Variants in SFMBT2 observed in about 807,000 individuals in gnomAD.
The protein encoded by SFMBT2 is Scm like with four mbt domains 2, also known as scm-like with four MBT domains protein 2.
A neutral mutation model predicts 110.1 loss-of-function variants in SFMBT2; 38 were observed. The observed-to-expected ratio is 0.35, with a 90% CI of 0.27 to 0.45. SFMBT2 has a LOEUF of 0.45. Among genes scored for constraint, SFMBT2 ranks in the 20% least tolerant of loss-of-function variants. The probability of loss-of-function intolerance (pLI) is 1.00; values close to 1 mark genes in which losing one functional copy is unlikely to be tolerated. For missense variants in SFMBT2, 1,011 were observed against 1,094.9 expected, an observed-to-expected ratio of 0.92 and a Z score of 1.08; for synonymous variants, 425 against 425.4, an observed-to-expected ratio of 1.00 and a Z score of 0.01.
chr10:7,163,758 C>G lies in SFMBT2; in HGVS notation c.*12G>C. On this transcript the variant is annotated 3_prime_UTR_variant, in exon 21 of 21. Transcript: ENST00000397167. This position sits in a 1 kb window ranked among gnomAD's most constrained non-coding sequence, Gnocchi z 4.8. ...CATCCCAGCAATAATGGGCCACCTC[C>G]CGAGGGCAGACTCAGTTGGCGTACT... The G allele has an allele frequency of 6.2e-7, 1 of 1,612,726 alleles. No homozygotes were observed. The highest frequency in any genetic ancestry group is 8.5e-7 in the Non-Finnish European group (1 of 1,179,108).
At chr10:7,372,941 C>T (rs556565629) in intron 2 of SFMBT2, among the ~76,000 whole-genome samples, 8 of 152,226 alleles carry the variant, frequency 5.3e-5, no homozygotes, top group African/African-American at 1.4e-4. Flanking sequence ...AAGCAGCCAC[C>T]GCCCTCCCAG....
intron 4 of SFMBT2, among the ~76,000 whole-genome samples, chr10:7,356,640 T>C (rs1248605805): frequency 6.6e-6 from 1 of 152,222 alleles, no homozygotes; most frequent in Non-Finnish European, 1.5e-5. Context: ...CTTAAACTCC[T>C]GGCCTCAAGT....
intron 4 of SFMBT2, among the ~76,000 whole-genome samples, chr10:7,288,980 G>A (rs765636867): frequency 4.7e-5 from 7 of 150,342 alleles, no homozygotes; most frequent in East Asian, 2.0e-4. Context: ...GCGACAGAGC[G>A]AGACACTGTC....
At chr10:7,274,902 C>T (rs1019879471) in intron 7 of SFMBT2, among the ~76,000 whole-genome samples, 2 of 152,190 alleles carry the variant, frequency 1.3e-5, no homozygotes, top group African/African-American at 4.8e-5. Flanking sequence ...GAATCCTCAT[C>T]CACTCTGAGG....
intron 2 of SFMBT2, among the ~76,000 whole-genome samples, chr10:7,377,268 A>T (rs1452061018): frequency 6.6e-6 from 1 of 151,576 alleles, no homozygotes; most frequent in Non-Finnish European, 1.5e-5. Flanking sequence ...AACTTTAGTC[A>T]CTTGAGTGTA....
At chr10:7,384,640 G>A (rs1275638669) in intron 1 of SFMBT2, among the ~76,000 whole-genome samples, 1 of 152,150 alleles carries the variant, frequency 6.6e-6, no homozygotes, top group East Asian at 1.9e-4. Context: ...TTTAACAGCT[G>A]GAGGGGTTCT....
chr10:7,384,878 T>C (rs1354185499), intron 1 of SFMBT2, among the ~76,000 whole-genome samples: 1 of 152,316 alleles, frequency 6.6e-6, no homozygotes, highest in East Asian at 1.9e-4. Context: ...CCCACTGCAT[T>C]GGCGGCCACA....
At chr10:7,393,026 T>A (rs1439963546) in intron 1 of SFMBT2, among the ~76,000 whole-genome samples, 3 of 65,638 alleles carry the variant, frequency 4.6e-5, no homozygotes, top group Admixed American at 2.6e-4. Context: ...TATATATATA[T>A]ATATATATAA....
rs148352159 is a variant in SFMBT2, at chr10:7,345,441, C to G, written c.436+22208G>C. Among the ~76,000 whole-genome samples, 751 of 152,320 alleles carry G rather than the reference C, an allele frequency of 4.9e-3. 10 individuals carry two copies. Among genetic ancestry groups the G allele is most frequent in the African/African-American group, 0.017 (719 of 41,570 alleles). On this transcript the variant is annotated intron_variant, in intron 4 of 20. Transcript: ENST00000397167. ...TGGCAGGATCTCCACTCACTGCAACCTCTGCCTCACAGGTTAAAGCAATTC... is the reference window on the plus strand; with the variant it reads ...TGGCAGGATCTCCACTCACTGCAACGTCTGCCTCACAGGTTAAAGCAATTC...
chr10:7,266,613 T>C (rs1564412649), intron 7 of SFMBT2, among the ~76,000 whole-genome samples: 1 of 152,178 alleles, frequency 6.6e-6, no homozygotes, highest in Admixed American at 6.5e-5. Context: ...TGAGATGACA[T>C]GCCACAGGGA....
intron 4 of SFMBT2, among the ~76,000 whole-genome samples, chr10:7,327,135 G>A (rs1843409742): frequency 4.0e-5 from 5 of 125,576 alleles, no homozygotes; most frequent in Admixed American, 7.9e-5. Context: ...GGTCTTCCTT[G>A]AAAAAAAAAA....
At chr10:7,330,945 T>A (rs1282631827) in intron 4 of SFMBT2, among the ~76,000 whole-genome samples, 3 of 152,230 alleles carry the variant, frequency 2.0e-5, no homozygotes, top group Non-Finnish European at 4.4e-5. Flanking sequence ...TTTGCGGTCA[T>A]CTTCAAGCCC....
At chr10:7,194,456 C>T (rs548395535) in intron 15 of SFMBT2, among the ~76,000 whole-genome samples, 16 of 152,290 alleles carry the variant, frequency 1.1e-4, no homozygotes, top group Admixed American at 2.6e-4. Context: ...CACCCCGAGA[C>T]GTCTATTTCT....
At position 7,303,658 on chromosome 10, in the gene SFMBT2, C is replaced by T. The variant is rs1842616116; in HGVS notation, c.437-17704G>A. Among the ~76,000 whole-genome samples, 5 of 152,264 alleles carry T rather than the reference C, an allele frequency of 3.3e-5. 1 individual carries two copies. In the South Asian group the frequency reaches 1.0e-3, roughly 32 times the overall value. Reference sequence around the variant, plus strand: ...AGTATATCCAGTATTTCAATAACCCCAATAAAATAAATTACTGAGATTTAA... The same window carrying T: ...AGTATATCCAGTATTTCAATAACCCTAATAAAATAAATTACTGAGATTTAA... On this transcript the variant is annotated intron_variant, in intron 4 of 20. Coordinates refer to ENST00000397167, the MANE Select transcript of SFMBT2 (RefSeq NM_001387889.1).
chr10:7,361,294 A>G (rs1205772134), intron 4 of SFMBT2, among the ~76,000 whole-genome samples: 1 of 152,270 alleles, frequency 6.6e-6, no homozygotes, highest in African/African-American at 2.4e-5. Flanking sequence ...TTTACATTAT[A>G]AAATATAAAT....
intron 4 of SFMBT2, among the ~76,000 whole-genome samples, chr10:7,330,683 T>C (rs1444646996): frequency 1.3e-5 from 2 of 152,160 alleles, no homozygotes; most frequent in Admixed American, 1.3e-4. Context: ...GCTCCTCTCT[T>C]CCTCCCATCT....
chr10:7,200,716 CT>C (rs764739192), intron 13 of SFMBT2, among the ~76,000 whole-genome samples: 42 of 152,340 alleles, frequency 2.8e-4, no homozygotes, highest in Middle Eastern at 3.4e-3. Flanking sequence ...ACACCTGCCC[CT>C]GAGCAGCTGG....
At chr10:7,303,551 T>C (rs1298845672) in intron 4 of SFMBT2, among the ~76,000 whole-genome samples, 3 of 152,220 alleles carry the variant, frequency 2.0e-5, no homozygotes, top group Non-Finnish European at 4.4e-5. Context: ...TGTAATAAAA[T>C]AGGGCCTTAT....
At position 7,172,353 on chromosome 10, in the gene SFMBT2, A is replaced by T; in HGVS notation, c.2151+142T>A. 6.7e-7 allele frequency: 1 copy of T among 1,491,522 alleles called. No individual in the cohort carries two copies. Among genetic ancestry groups the T allele is most frequent in the Non-Finnish European group, 8.9e-7 (1 of 1,123,286 alleles). 92.4% of individuals were successfully genotyped at this position (1,491,522 alleles called of 1,614,324 possible). On this transcript the variant is annotated intron_variant, in intron 18 of 20. Coordinates refer to ENST00000397167, the MANE Select transcript of SFMBT2 (RefSeq NM_001387889.1). The surrounding 1 kb of genome is among the most constrained non-coding windows in gnomAD (Gnocchi z 4.6). ...CACACTACATTTGTTTTCAGCAAGTAAGGAGGAGGGGGCTCTTCTTCAGTG... is the reference window on the plus strand; with the variant it reads ...CACACTACATTTGTTTTCAGCAAGTTAGGAGGAGGGGGCTCTTCTTCAGTG...
Sources: allele counts gnomAD v4.1 joint callset (sites outside exome capture counted in the v4.1 genomes callset), GRCh38; gene constraint gnomAD v4.1.1; non-coding constraint Gnocchi (gnomAD v3.1); transcripts MANE v1.5; gene names NCBI Gene and HGNC (gene_info 2026-07-23, HGNC 2026-07-21).